PPP2R3A: variants seen among roughly 807,000 people sequenced by gnomAD.
The protein encoded by PPP2R3A is protein phosphatase 2 regulatory subunit B''alpha.
PPP2R3A carries 80 observed loss-of-function variants against 106.9 expected under a neutral mutation model. That is an observed-to-expected ratio of 0.75 (90% CI 0.62 to 0.90). The LOEUF (loss-of-function observed/expected upper bound fraction) is 0.90. Among genes scored for constraint, PPP2R3A ranks in the 40% least tolerant of loss-of-function variants. The pLI is 0.00. For synonymous variants in PPP2R3A, 483 were observed against 468.3 expected, an observed-to-expected ratio of 1.03 and a Z score of -0.41; for missense variants, 1,386 against 1,350.4, an observed-to-expected ratio of 1.03 and a Z score of -0.41.
intron 13 of PPP2R3A, among the ~76,000 whole-genome samples, chr3:136,120,463 C>A (rs1051997704): frequency 6.6e-6 from 1 of 151,988 alleles, no homozygotes; most frequent in Non-Finnish European, 1.5e-5. Context: ...TGGTGTGCGC[C>A]TGTAGTCCCA....
intron 13 of PPP2R3A, among the ~76,000 whole-genome samples, chr3:136,123,261 T>C (rs952681155): frequency 6.6e-6 from 1 of 152,134 alleles, no homozygotes; most frequent in Admixed American, 6.6e-5. Flanking sequence ...AAAGCAAGTA[T>C]ATTATTCACG....
chr3:136,052,707 C>A (rs555050508), intron 5 of PPP2R3A, among the ~76,000 whole-genome samples: 84 of 152,268 alleles, frequency 5.5e-4, no homozygotes, highest in Non-Finnish European at 4.6e-4. Context: ...ACAACAAAAT[C>A]ATAATTATGA....
intron 13 of PPP2R3A, chr3:136,106,615 A>G (rs1003611305): frequency 9.2e-6 from 3 of 326,934 alleles, no homozygotes; most frequent in Non-Finnish European, 1.1e-5. Flanking sequence ...TACATAAAGG[A>G]GGAGGCTAAA....
intron 3 of PPP2R3A, among the ~76,000 whole-genome samples, chr3:136,034,387 C>T (rs1341883285): frequency 6.6e-6 from 1 of 152,156 alleles, no homozygotes; most frequent in Non-Finnish European, 1.5e-5. Context: ...TTAGCATTGC[C>T]TTTGCTGTGT....
intron 5 of PPP2R3A, among the ~76,000 whole-genome samples, chr3:136,050,260 A>G (rs150284332): frequency 0.012 from 1,827 of 152,338 alleles, 12 homozygotes; most frequent in Non-Finnish European, 0.02. Flanking sequence ...TGTGTGTTGT[A>G]TATCCATATA....
chr3:136,143,790 CAAAA>C (rs1384373722), intron 13 of PPP2R3A, among the ~76,000 whole-genome samples: 1 of 152,050 alleles, frequency 6.6e-6, no homozygotes, highest in Non-Finnish European at 1.5e-5. Context: ...GACTCCATCT[CAAAA>C]GAAAAAACAC....
intron 13 of PPP2R3A, among the ~76,000 whole-genome samples, chr3:136,111,663 A>C (rs903165893): frequency 6.6e-6 from 1 of 152,062 alleles, no homozygotes; most frequent in Admixed American, 6.6e-5. Context: ...AAAAAAAAAA[A>C]ACTACCAATC....
At chr3:135,979,849 G>C (rs1294229592) in intron 1 of PPP2R3A, among the ~76,000 whole-genome samples, 1 of 151,846 alleles carries the variant, frequency 6.6e-6, no homozygotes, top group Non-Finnish European at 1.5e-5. Flanking sequence ...AAGAAAAATA[G>C]ATGATCAATG....
intron 6 of PPP2R3A, among the ~76,000 whole-genome samples, chr3:136,072,321 G>A (rs907661130): frequency 3.3e-5 from 5 of 152,206 alleles, no homozygotes; most frequent in Admixed American, 6.5e-5. Context: ...GCCAGGCACA[G>A]TGACTCATAC....
At chr3:136,059,426 G>A (rs2107884388) in intron 5 of PPP2R3A, among the ~76,000 whole-genome samples, 1 of 152,290 alleles carries the variant, frequency 6.6e-6, no homozygotes, top group East Asian at 1.9e-4. Context: ...AAATCACAAT[G>A]AGATACCATC....
intron 7 of PPP2R3A, 45 bp from the exon 8 acceptor site, chr3:136,082,220 C>G: frequency 6.7e-7 from 1 of 1,500,260 alleles, no homozygotes; most frequent in Non-Finnish European, 9.2e-7. Flanking sequence ...GTGGCCAAAG[C>G]TGCTTTTTCA....
At chr3:136,068,633 A>G (rs942500706) in intron 5 of PPP2R3A, among the ~76,000 whole-genome samples, 1 of 152,260 alleles carries the variant, frequency 6.6e-6, no homozygotes, top group Non-Finnish European at 1.5e-5. Context: ...TAAACACTAC[A>G]GTGTAAATGT....
chr3:136,118,365 A>T (rs886320792), intron 13 of PPP2R3A, among the ~76,000 whole-genome samples: 1 of 152,234 alleles, frequency 6.6e-6, no homozygotes, highest in Non-Finnish European at 1.5e-5. Flanking sequence ...TAGTATTTGA[A>T]GTTCTGCCCA....
At chr3:135,976,546 A>G (rs1020240327) in intron 1 of PPP2R3A, among the ~76,000 whole-genome samples, 2 of 152,186 alleles carry the variant, frequency 1.3e-5, no homozygotes, top group Non-Finnish European at 2.9e-5. Context: ...TTTCTTGTTT[A>G]TTTATGTTGT....
chr3:136,129,535 A>G (rs569246782), intron 13 of PPP2R3A, among the ~76,000 whole-genome samples: 1 of 152,316 alleles, frequency 6.6e-6, no homozygotes, highest in South Asian at 2.1e-4. Flanking sequence ...ATAGCCCACC[A>G]ACCAAAAAAA....
Position 136,025,237 on chromosome 3 carries a change from T to A in PPP2R3A, c.1996-1595T>A, listed in dbSNP as rs141240863. 3.0e-3 allele frequency among the ~76,000 whole-genome samples: 462 copies of A among 152,280 alleles called. 3 individuals carry two copies. The highest frequency in any genetic ancestry group is 0.011 in the African/African-American group (442 of 41,562). On this transcript the variant is annotated intron_variant, in intron 2 of 13. Transcript: ENST00000264977. The stretch of plus-strand genomic sequence containing the variant: ...GAAGTAGACATTGTAATTTCTGTTT[T>A]ATTATTGAAATTCCAAAAGGTTAAG...
intron 3 of PPP2R3A, among the ~76,000 whole-genome samples, chr3:136,037,913 TAC>T (rs1168513236): frequency 6.6e-6 from 1 of 152,040 alleles, no homozygotes; most frequent in Non-Finnish European, 1.5e-5. Flanking sequence ...TCTCTGTGTA[TAC>T]CCACTTGCTA....
chr3:136,002,174 G>C lies in PPP2R3A; in HGVS notation c.676G>C (p.Gly226Arg). ...ACATAAAATAGATAATTTTTCTTCT[G>C]GGACAGACATAAAGATGTGCTTGGA... ...EKHKIDNFSS[G>R]TDIKMCLDIL... Residue 226 changes from glycine to arginine, a missense_variant, in exon 2 of 14, where the codon GGG becomes CGG. Physicochemically the swap from Gly to Arg is moderately radical, Grantham distance 125. Coordinates refer to ENST00000264977, the MANE Select transcript of PPP2R3A (RefSeq NM_002718.5). The C allele has an allele frequency of 6.2e-7, 1 of 1,613,274 alleles. No individual in the cohort carries two copies. Among genetic ancestry groups the C allele is most frequent in the Non-Finnish European group, 8.5e-7 (1 of 1,179,804 alleles).
At position 136,043,613 on chromosome 3, in the gene PPP2R3A, T is replaced by C. The variant is rs374187719; in HGVS notation, c.2366+2651T>C. Among the ~76,000 whole-genome samples the C allele has an allele frequency of 7.2e-5, 11 of 152,348 alleles. No homozygotes were observed. In the South Asian group the frequency reaches 1.0e-3, roughly 14 times the overall value. ...TATACTCTGACATATATTCTTCTTA[T>C]AGTCAGGACATTTTTAGGAGAAAGA... is the stretch of plus-strand genomic sequence containing the variant. On this transcript the variant is annotated intron_variant, in intron 4 of 13. Coordinates refer to ENST00000264977, the MANE Select transcript of PPP2R3A (RefSeq NM_002718.5).
Sources: gnomAD v4.1 joint callset for allele counts (sites outside exome capture counted in the v4.1 genomes callset) on GRCh38, gnomAD v4.1.1 for gene constraint, MANE v1.5 for transcripts, NCBI Gene and HGNC (gene_info 2026-07-23, HGNC 2026-07-21) for gene names.